Variants in RGS20 observed in about 807,000 individuals in gnomAD.
The protein encoded by RGS20 is gz-selective GTPase-activating protein.
In RGS20, 30 loss-of-function variants were observed where a neutral mutation model predicts 33.6. The observed-to-expected ratio is 0.89, with a 90% CI of 0.67 to 1.21. The LOEUF (loss-of-function observed/expected upper bound fraction) is 1.21, where lower values mean the gene tolerates loss of function less well. Ranked by LOEUF, RGS20 falls within the 50% of genes most tolerant of loss-of-function variation. The pLI is 0.00. For missense variants in RGS20, 472 were observed against 502.4 expected (o/e 0.94, Z 0.58); for synonymous variants, 208 against 197.9 (o/e 1.05, Z -0.43).
intron 2 of RGS20, among the ~76,000 whole-genome samples, chr8:53,908,710 G>T (rs1813252313): frequency 6.6e-6 from 1 of 151,926 alleles, no homozygotes; most frequent in Non-Finnish European, 1.5e-5. Context: ...GGCTGAGGTG[G>T]GAGGATCACC....
At chr8:53,899,662 A>G (rs571585206) in intron 2 of RGS20, among the ~76,000 whole-genome samples, 1 of 152,354 alleles carries the variant, frequency 6.6e-6, no homozygotes, top group East Asian at 1.9e-4. Flanking sequence ...AGATGGGTTC[A>G]TATGATACGT....
At chr8:53,872,082 A>G (rs994825117) in intron 1 of RGS20, among the ~76,000 whole-genome samples, 1 of 152,188 alleles carries the variant, frequency 6.6e-6, no homozygotes, top group Non-Finnish European at 1.5e-5. Flanking sequence ...AAGCCATTCA[A>G]CTGCTCAAGT....
intron 1 of RGS20, among the ~76,000 whole-genome samples, chr8:53,854,494 T>A (rs1165419707): frequency 6.6e-6 from 1 of 151,534 alleles, no homozygotes; most frequent in East Asian, 1.9e-4. Context: ...TGTTAGCCAC[T>A]AGGAGATGCA....
intron 2 of RGS20, among the ~76,000 whole-genome samples, chr8:53,919,886 A>AT (rs1468709099): frequency 1.4e-5 from 2 of 145,476 alleles, no homozygotes; most frequent in East Asian, 2.1e-4. Flanking sequence ...ACTTACTTAG[A>AT]TTTTTTGTTT....
intron 1 of RGS20, among the ~76,000 whole-genome samples, chr8:53,875,429 C>CAAAAAAAAA (rs755991643): frequency 1.8e-5 from 1 of 55,662 alleles, no homozygotes; most frequent in Non-Finnish European, 3.8e-5. Context: ...AAGACTCTGT[C>CAAAAAAAAA]AAAAAAAAAA....
intron 1 of RGS20, among the ~76,000 whole-genome samples, chr8:53,862,083 G>C (rs1002745323): frequency 2.6e-5 from 4 of 152,134 alleles, no homozygotes; most frequent in Non-Finnish European, 4.4e-5. Flanking sequence ...GCCCCTGGTC[G>C]TTAGCCTGGA....
At chr8:53,958,218 T>C in intron 5 of RGS20, 52 bp from the exon 5 acceptor site, 1 of 1,304,088 alleles carries the variant, frequency 7.7e-7, no homozygotes. Context: ...GAGTTTGGGA[T>C]AGAGATACAA....
chr8:53,918,870 A>G (rs1200387704), intron 2 of RGS20, among the ~76,000 whole-genome samples: 1 of 152,230 alleles, frequency 6.6e-6, no homozygotes, highest in Non-Finnish European at 1.5e-5. Flanking sequence ...ACAATAAACA[A>G]ACAGCATTTG....
chr8:53,892,772 T>A (rs534797793), intron 2 of RGS20, among the ~76,000 whole-genome samples: 1 of 152,242 alleles, frequency 6.6e-6, no homozygotes, highest in Non-Finnish European at 1.5e-5. Flanking sequence ...CCCCTGACCA[T>A]GTATAATTTG....
intron 2 of RGS20, among the ~76,000 whole-genome samples, chr8:53,883,942 G>T (rs530917901): frequency 1.4e-5 from 2 of 144,922 alleles, no homozygotes; most frequent in African/African-American, 5.2e-5. Context: ...GCAAAACTCC[G>T]TCTCAAAAAA....
chr8:53,946,984 A>G (rs552209424), intron 4 of RGS20, among the ~76,000 whole-genome samples: 4 of 151,152 alleles, frequency 2.6e-5, no homozygotes, highest in African/African-American at 9.7e-5. Context: ...GCAAATACAA[A>G]TAGATTCTTC....
chr8:53,859,202 G>A (rs1026318208), intron 1 of RGS20, among the ~76,000 whole-genome samples: 2 of 152,078 alleles, frequency 1.3e-5, no homozygotes, highest in East Asian at 1.9e-4. Flanking sequence ...AATAACAAAC[G>A]AACAAACTTT....
chr8:53,870,442 G>C (rs995185859), intron 1 of RGS20, among the ~76,000 whole-genome samples: 10 of 152,232 alleles, frequency 6.6e-5, no homozygotes, highest in African/African-American at 2.4e-4. Context: ...TCTGTAAAGT[G>C]CATATGAGAC....
chr8:53,899,486 G>C (rs1223144228), intron 2 of RGS20, among the ~76,000 whole-genome samples: 1 of 152,082 alleles, frequency 6.6e-6, no homozygotes, highest in African/African-American at 2.4e-5. Context: ...CATTCATAGA[G>C]ATGTGTAACC....
chr8:53,854,886 G>A (rs1198957782), intron 1 of RGS20, among the ~76,000 whole-genome samples: 3 of 152,146 alleles, frequency 2.0e-5, no homozygotes, highest in East Asian at 3.9e-4. Flanking sequence ...TTCAAGGGAT[G>A]AATGATTAAA....
chr8:53,940,518 CTG>C, intron 3 of RGS20, among the ~76,000 whole-genome samples: 1 of 152,296 alleles, frequency 6.6e-6, no homozygotes, highest in Non-Finnish European at 1.5e-5. Flanking sequence ...AGAAGAAAAA[CTG>C]ATAATGGACT....
intron 1 of RGS20, among the ~76,000 whole-genome samples, chr8:53,869,373 A>G (rs1812001498): frequency 6.6e-6 from 1 of 152,192 alleles, no homozygotes. Flanking sequence ...TATTTATTAG[A>G]ACATTCAAAA....
chr8:53,879,744 G>T, intron 2 of RGS20: 1 of 706,938 alleles, frequency 1.4e-6, no homozygotes, highest in Non-Finnish European at 2.2e-6. Context: ...CCGGGACGTG[G>T]CTGGGCAAGT....
At chr8:53,924,407 T>C (rs1278209468) in intron 2 of RGS20, among the ~76,000 whole-genome samples, 2 of 151,952 alleles carry the variant, frequency 1.3e-5, no homozygotes, top group East Asian at 3.9e-4. Context: ...AGGCTGGTCT[T>C]GAACTCCTGA....
Sources: gnomAD v4.1 joint callset for allele counts (sites outside exome capture counted in the v4.1 genomes callset) on GRCh38, gnomAD v4.1.1 for gene constraint, MANE v1.5 for transcripts, NCBI Gene and HGNC (gene_info 2026-07-23, HGNC 2026-07-21) for gene names.